The following ROR1 variants were observed in gnomAD, a reference collection of about 807,000 sequenced individuals.
ROR1 encodes ROR family WNT receptor 1.
In ROR1, 19 loss-of-function variants were observed where a neutral mutation model predicts 78.8. The ratio of observed to expected loss-of-function variants is 0.24; its 90% CI spans 0.17 to 0.35. The LOEUF (loss-of-function observed/expected upper bound fraction) is 0.35, where lower values mean the gene tolerates loss of function less well. Ranked by LOEUF, ROR1 falls within the 10% of genes least tolerant of loss-of-function variation. ROR1 has a pLI of 1.00. For missense variants in ROR1, 917 were observed against 1,177.8 expected, an observed-to-expected ratio of 0.78 and a Z score of 3.24; for synonymous variants, 386 against 433.6, an observed-to-expected ratio of 0.89 and a Z score of 1.36.
chr1:63,883,963 C>T (rs540454245), intron 1 of ROR1, among the ~76,000 whole-genome samples: 1 of 152,310 alleles, frequency 6.6e-6, no homozygotes, highest in Non-Finnish European at 1.5e-5. Context: ...TCTTCCAAAA[C>T]CTGCCTGTTA....
chr1:64,166,540 G>A (rs1024139335), intron 8 of ROR1, among the ~76,000 whole-genome samples: 2 of 152,162 alleles, frequency 1.3e-5, no homozygotes, highest in Non-Finnish European at 2.9e-5. Context: ...TTTGAGCAGT[G>A]TTTTGACTAC....
chr1:64,140,445 C>A lies in ROR1; in HGVS notation c.928+19C>A, dbSNP rs201438705. ...AATAAAAGTAAGTGGTAGCCCCTGA[C>A]CTTCTGTGCTCTTCTAAGGGTCAGC... On this transcript the variant is annotated intron_variant, in intron 6 of 8. Transcript: ENST00000371079. The A allele has an allele frequency of 6.2e-7, 1 of 1,607,900 alleles. No individual in the cohort carries two copies. The highest frequency in any genetic ancestry group is 1.1e-5 in the South Asian group (1 of 90,746).
intron 1 of ROR1, among the ~76,000 whole-genome samples, chr1:63,865,305 A>G (rs1424738536): frequency 6.6e-6 from 1 of 152,202 alleles, no homozygotes; most frequent in South Asian, 2.1e-4. Context: ...ATAAAATTCT[A>G]TTACAAAGTA....
chr1:64,023,632 T>C (rs1048955174), intron 2 of ROR1, among the ~76,000 whole-genome samples: 2 of 152,234 alleles, frequency 1.3e-5, no homozygotes, highest in Non-Finnish European at 2.9e-5. Context: ...AAAATTATGT[T>C]ACTGCTAACA....
At chr1:64,129,790 A>G (rs532386047) in intron 4 of ROR1, among the ~76,000 whole-genome samples, 1 of 152,360 alleles carries the variant, frequency 6.6e-6, no homozygotes, top group Non-Finnish European at 1.5e-5. Context: ...TATATTACAC[A>G]CATAATTTTC....
intron 4 of ROR1, among the ~76,000 whole-genome samples, chr1:64,103,639 T>C (rs1004170775): frequency 3.9e-5 from 6 of 152,126 alleles, no homozygotes; most frequent in Admixed American, 3.9e-4. Context: ...TTCAAATGAG[T>C]CCTTATAAGT....
chr1:63,818,360 AT>A (rs1476180154), intron 1 of ROR1, among the ~76,000 whole-genome samples: 7 of 152,162 alleles, frequency 4.6e-5, no homozygotes, highest in Non-Finnish European at 1.0e-4. Flanking sequence ...ATAGAAATGT[AT>A]TTTTTTCCTA....
intron 2 of ROR1, among the ~76,000 whole-genome samples, chr1:64,039,707 C>T (rs1212264757): frequency 1.3e-5 from 2 of 152,306 alleles, no homozygotes; most frequent in East Asian, 3.9e-4. Context: ...ACTGAAATCA[C>T]AGAGATGACT....
intron 1 of ROR1, among the ~76,000 whole-genome samples, chr1:63,914,665 G>A (rs1028620947): frequency 3.9e-5 from 6 of 152,118 alleles, no homozygotes; most frequent in Non-Finnish European, 5.9e-5. Flanking sequence ...CAAATCTTTT[G>A]TGTACACATG....
intron 1 of ROR1, among the ~76,000 whole-genome samples, chr1:63,822,800 G>C (rs1201721488): frequency 1.3e-5 from 2 of 152,018 alleles, no homozygotes; most frequent in East Asian, 3.9e-4. Context: ...TGTTTCATTA[G>C]TATAAACAAT....
intron 8 of ROR1, among the ~76,000 whole-genome samples, chr1:64,173,595 G>A (rs1469346112): frequency 6.6e-6 from 1 of 152,102 alleles, no homozygotes; most frequent in Non-Finnish European, 1.5e-5. Flanking sequence ...TGGCTCTTTC[G>A]GCTCTCCTGA....
intron 6 of ROR1, among the ~76,000 whole-genome samples, chr1:64,141,306 C>T (rs1170237420): frequency 6.6e-6 from 1 of 152,084 alleles, no homozygotes; most frequent in African/African-American, 2.4e-5. Flanking sequence ...AGTATAGCAG[C>T]TTCTGCAGAA....
intron 1 of ROR1, among the ~76,000 whole-genome samples, chr1:63,807,241 C>A (rs933394239): frequency 6.6e-6 from 1 of 152,188 alleles, no homozygotes; most frequent in Non-Finnish European, 1.5e-5. Context: ...GCTGTTTTAA[C>A]TGGGAGCATG....
intron 1 of ROR1, among the ~76,000 whole-genome samples, chr1:63,855,361 G>A (rs1245952707): frequency 6.6e-6 from 1 of 151,974 alleles, no homozygotes; most frequent in South Asian, 2.1e-4. Context: ...GTAAATTCTT[G>A]GAGGCAAGGG....
At chr1:63,872,742 A>G (rs925674715) in intron 1 of ROR1, among the ~76,000 whole-genome samples, 6 of 152,202 alleles carry the variant, frequency 3.9e-5, no homozygotes, top group African/African-American at 1.2e-4. Flanking sequence ...GAACTCATCT[A>G]TCTTACTGTA....
chr1:64,069,895 G>A lies in ROR1; in HGVS notation c.482+19179G>A, dbSNP rs113891017. ...CCGTTTTAAAGTGCACAGTTCAGTGGCACTTAGTACATTCACAGTGTGGTA... is the reference window on the plus strand; with the variant it reads ...CCGTTTTAAAGTGCACAGTTCAGTGACACTTAGTACATTCACAGTGTGGTA... On this transcript the variant is annotated intron_variant, in intron 4 of 8. Transcript: ENST00000371079. Among the ~76,000 whole-genome samples the A allele has an allele frequency of 4.3e-3, 662 of 152,232 alleles. 6 individuals carry two copies. The highest frequency in any genetic ancestry group is 0.015 in the African/African-American group (629 of 41,526).
intron 1 of ROR1, among the ~76,000 whole-genome samples, chr1:63,935,432 T>A (rs1409714054): frequency 2.6e-5 from 4 of 152,160 alleles, no homozygotes; most frequent in Admixed American, 2.6e-4. Flanking sequence ...GTCAGGTTAA[T>A]TGTAGAGGGT....
intron 1 of ROR1, among the ~76,000 whole-genome samples, chr1:63,961,755 A>T (rs1646031497): frequency 6.6e-6 from 1 of 152,156 alleles, no homozygotes; most frequent in African/African-American, 2.4e-5. Flanking sequence ...AGATAGGAGG[A>T]ATAAGTTCTA....
intron 1 of ROR1, among the ~76,000 whole-genome samples, chr1:63,982,774 TAAC>T (rs1646220198): frequency 6.6e-6 from 1 of 152,120 alleles, no homozygotes; most frequent in Non-Finnish European, 1.5e-5. Flanking sequence ...GTAATAATAA[TAAC>T]AGAAAATAAT....
Sources: gnomAD v4.1 joint callset for allele counts (sites outside exome capture counted in the v4.1 genomes callset) on GRCh38, gnomAD v4.1.1 for gene constraint, MANE v1.5 for transcripts, NCBI Gene and HGNC (gene_info 2026-07-23, HGNC 2026-07-21) for gene names.